SEMA3D: variants seen among roughly 807,000 people sequenced by gnomAD.
SEMA3D encodes semaphorin 3D, also known as semaphorin-3D.
A neutral mutation model predicts 100.1 loss-of-function variants in SEMA3D; 84 were observed. That is an observed-to-expected ratio of 0.84 (90% CI 0.70 to 1.01). The LOEUF is 1.01. Among genes scored for constraint, SEMA3D ranks in the 50% least tolerant of loss-of-function variants. The pLI is 0.00. For synonymous variants in SEMA3D, 312 were observed against 320.7 expected (o/e 0.97, Z 0.29); for missense variants, 875 against 934.1 (o/e 0.94, Z 0.82).
At chr7:85,116,106 G>A (rs1394580158) in intron 3 of SEMA3D, among the ~76,000 whole-genome samples, 1 of 151,320 alleles carries the variant, frequency 6.6e-6, no homozygotes, top group African/African-American at 2.4e-5. Flanking sequence ...GAATATGTTT[G>A]TGAAGTGTCT....
At chr7:85,200,711 A>G in the SEMA3D span, among the ~76,000 whole-genome samples, 1 of 152,228 alleles carries the variant, frequency 6.6e-6, no homozygotes, top group East Asian at 1.9e-4. Context: ...TAATTGCCCA[A>G]ACAATGGGGA....
intron 12 of SEMA3D, among the ~76,000 whole-genome samples, chr7:85,026,179 CCA>C (rs1376008628): frequency 6.6e-6 from 1 of 151,922 alleles, no homozygotes; most frequent in Non-Finnish European, 1.5e-5. Flanking sequence ...CTCAGGATAT[CCA>C]GAGTCTAGTC....
In SEMA3D at chr7:85,145,630, C is replaced by CA. The variant is rs951572195; in HGVS notation, c.-41+7977dup. ...GAGTATGTTTAATAATACAAAAAGC[C>CA]AAAAAAAAATCTGGTGGAAAGAAGG... On this transcript the variant is annotated intron_variant, in intron 2 of 18. Transcript: ENST00000284136. Among the ~76,000 whole-genome samples the CA allele has an allele frequency of 4.8e-4, 71 of 149,430 alleles. No individual in the cohort carries two copies. The East Asian group carries it at 9.6e-3, about 20-fold the overall frequency.
At chr7:85,131,097 G>A (rs1234306274) in intron 2 of SEMA3D, among the ~76,000 whole-genome samples, 1 of 151,948 alleles carries the variant, frequency 6.6e-6, no homozygotes, top group East Asian at 1.9e-4. Context: ...TATTCAATTT[G>A]TCTTAATTTT....
At chr7:85,075,643 C>T (rs905969274) in intron 5 of SEMA3D, among the ~76,000 whole-genome samples, 3 of 152,100 alleles carry the variant, frequency 2.0e-5, no homozygotes, top group African/African-American at 4.8e-5. Context: ...AATTATCTGA[C>T]ACAGTTTACA....
intron 4 of SEMA3D, among the ~76,000 whole-genome samples, chr7:85,088,221 T>C (rs1256422122): frequency 6.6e-6 from 1 of 152,194 alleles, no homozygotes; most frequent in Non-Finnish European, 1.5e-5. Flanking sequence ...TTATTCAGTG[T>C]TAGGCAAGTT....
the SEMA3D span, among the ~76,000 whole-genome samples, chr7:85,211,073 C>T: frequency 1.3e-5 from 2 of 152,050 alleles, no homozygotes; most frequent in Admixed American, 1.3e-4. Context: ...TAAAAGGATT[C>T]CCTGATTCTC....
At chr7:85,060,279 A>G (rs139933265) in intron 8 of SEMA3D, among the ~76,000 whole-genome samples, 86 of 152,314 alleles carry the variant, frequency 5.6e-4, no homozygotes, top group African/African-American at 2.0e-3. Flanking sequence ...TGATTTAAAT[A>G]GTAAGCATAC....
At chr7:85,137,920 A>G (rs555537725) in intron 2 of SEMA3D, among the ~76,000 whole-genome samples, 16 of 152,288 alleles carry the variant, frequency 1.1e-4, no homozygotes, top group African/African-American at 3.8e-4. Context: ...TTCGAGGTCA[A>G]CACACTCACA....
chr7:85,017,026 T>C (rs564826304), intron 15 of SEMA3D, among the ~76,000 whole-genome samples: 1 of 151,884 alleles, frequency 6.6e-6, no homozygotes, highest in African/African-American at 2.4e-5. Flanking sequence ...CAGATTCATT[T>C]CTAGCCTTCC....
At chr7:85,230,990 G>C in the SEMA3D span, among the ~76,000 whole-genome samples, 1 of 152,138 alleles carries the variant, frequency 6.6e-6, no homozygotes, top group Non-Finnish European at 1.5e-5. Context: ...TTGGGGCTCA[G>C]TTTCTGTAAT....
chr7:85,128,318 CCA>C (rs1789624000), intron 2 of SEMA3D, among the ~76,000 whole-genome samples: 1 of 151,894 alleles, frequency 6.6e-6, no homozygotes, highest in Admixed American at 6.6e-5. Flanking sequence ...CAGGCGCACG[CCA>C]CCATGCCTGG....
At chr7:85,067,040 T>C (rs1298072608) in intron 7 of SEMA3D, among the ~76,000 whole-genome samples, 1 of 152,012 alleles carries the variant, frequency 6.6e-6, no homozygotes. Context: ...CAATATTTCA[T>C]TGTGGGCATA....
In SEMA3D at chr7:85,055,771, T is replaced by C; in HGVS notation, c.807A>G (p.Gln269=). Residue 269 remains glutamine, a synonymous_variant, in exon 9 of 19, where the codon CAA becomes CAG. Transcript: ENST00000284136. ...KIYFFFRESS[Q]EGSTSDKTIL... ...TGGTTTTATCGGAGGTACTGCCTTC[T>C]TGAGATGATTCACGAAAGAAGAAAT... 1 of 1,575,478 alleles carries C rather than the reference T, an allele frequency of 6.3e-7. No individual in the cohort carries two copies.
chr7:85,107,636 G>T (rs1055367493), intron 3 of SEMA3D, among the ~76,000 whole-genome samples: 1 of 151,826 alleles, frequency 6.6e-6, no homozygotes, highest in Non-Finnish European at 1.5e-5. Context: ...TGATCTCATT[G>T]ATTTTAATGA....
chr7:85,068,372 A>C, intron 6 of SEMA3D, 88 bp from the exon 7 acceptor site: 9 of 729,286 alleles, frequency 1.2e-5, no homozygotes, highest in Non-Finnish European at 1.9e-5. Flanking sequence ...ATTCCAACTC[A>C]TGAATTTGAT....
chr7:85,063,010 C>T (rs1262535688), intron 8 of SEMA3D, among the ~76,000 whole-genome samples: 1 of 152,184 alleles, frequency 6.6e-6, no homozygotes, highest in Non-Finnish European at 1.5e-5. Context: ...CTGCTACCTT[C>T]ATGGTACCAC....
At chr7:85,068,698 T>C (rs1791692945) in intron 6 of SEMA3D, among the ~76,000 whole-genome samples, 1 of 152,180 alleles carries the variant, frequency 6.6e-6, no homozygotes, top group Admixed American at 6.5e-5. Flanking sequence ...GGATAATGAT[T>C]ACAATTTATA....
intron 1 of SEMA3D, among the ~76,000 whole-genome samples, chr7:85,168,369 A>G (rs941539867): frequency 6.6e-6 from 1 of 151,822 alleles, no homozygotes; most frequent in Non-Finnish European, 1.5e-5. Context: ...CCTATTTTTA[A>G]TTCTTATTTT....
Sources: gnomAD v4.1 joint callset for allele counts (sites outside exome capture counted in the v4.1 genomes callset) on GRCh38, gnomAD v4.1.1 for gene constraint, MANE v1.5 for transcripts, NCBI Gene and HGNC (gene_info 2026-07-23, HGNC 2026-07-21) for gene names.